Variants in ADAM19 observed in about 807,000 individuals in gnomAD.
ADAM19 encodes ADAM metallopeptidase domain 19.
Under a neutral mutation model 114.7 loss-of-function variants are expected in ADAM19, and 65 were observed. That is an observed-to-expected ratio of 0.57 (90% confidence interval 0.46 to 0.70). The LOEUF (loss-of-function observed/expected upper bound fraction) is 0.70. ADAM19 is among the 30% of genes least tolerant of loss of function. The pLI is 0.00. For missense variants in ADAM19, 1,063 were observed against 1,204.7 expected, an observed-to-expected ratio of 0.88 and a Z score of 1.74; for synonymous variants, 466 against 460.5, an observed-to-expected ratio of 1.01 and a Z score of -0.15.
chr5:157,542,738 G>C (rs1756949932), intron 3 of ADAM19, among the ~76,000 whole-genome samples: 1 of 152,224 alleles, frequency 6.6e-6, no homozygotes, highest in Non-Finnish European at 1.5e-5. Flanking sequence ...TCGGGAGGCG[G>C]AAGCTGCAGT....
Position 157,481,870 on chromosome 5 carries a change from C to T in ADAM19, c.2624G>A (p.Arg875Lys). 6.3e-7 allele frequency: 1 copy of T among 1,597,234 alleles called. No individual in the cohort carries two copies. Among genetic ancestry groups the T allele is most frequent in the Non-Finnish European group, 8.5e-7 (1 of 1,171,676 alleles). The stretch of plus-strand genomic sequence containing the variant: ...CCGCAGTGGGGATGCACCTCCTGGC[C>T]TGGGGAGGCTCCTGCGGCCTGGCAC... Reference protein sequence around the residue: ...NPVPGRRSLPRPGGASPLRPP... With the variant: ...NPVPGRRSLPKPGGASPLRPP... The change falls in exon 22 of 23, where the codon AGG (arginine) becomes AAG (lysine). Residue 875 changes from arginine to lysine, a missense_variant. Transcript: ENST00000257527.
rs372907802 is a variant in ADAM19 at position 157,480,901 on chromosome 5, T to C, written c.*48A>G. The C allele has an allele frequency of 5.0e-6, 8 of 1,613,534 alleles. No individual in the cohort carries two copies. The highest frequency in any genetic ancestry group is 6.8e-6 in the Non-Finnish European group (8 of 1,179,838). On this transcript the variant is annotated 3_prime_UTR_variant, in exon 23 of 23. Coordinates refer to ENST00000257527, the MANE Select transcript of ADAM19 (RefSeq NM_033274.5). ...CAGGGTTCCATGGCCATGGGTCCTC[T>C]GCAGTGTCCAGAGAGCTCAAGGAAA... is the stretch of plus-strand genomic sequence containing the variant.
intron 4 of ADAM19, among the ~76,000 whole-genome samples, chr5:157,532,318 T>C (rs1442518798): frequency 1.3e-5 from 2 of 152,068 alleles, no homozygotes; most frequent in Admixed American, 1.3e-4. Flanking sequence ...TAATGAGAAA[T>C]CCAAACAGAT....
At chr5:157,561,645 C>A (rs1230783074) in intron 3 of ADAM19, among the ~76,000 whole-genome samples, 2 of 152,128 alleles carry the variant, frequency 1.3e-5, no homozygotes, top group African/African-American at 4.8e-5. Context: ...CACTCCATCA[C>A]CTCCTTCAGG....
chr5:157,496,772 T>C, intron 14 of ADAM19, 122 bp downstream of exon 14: 5 of 801,544 alleles, frequency 6.2e-6, no homozygotes, highest in Non-Finnish European at 7.5e-6. Context: ...GTCAAGGGGA[T>C]GAAAGAGGTA....
At chr5:157,527,779 T>C (rs949168412) in intron 5 of ADAM19, among the ~76,000 whole-genome samples, 4 of 152,188 alleles carry the variant, frequency 2.6e-5, no homozygotes, top group Non-Finnish European at 5.9e-5. Flanking sequence ...GGGGAAAATC[T>C]GGAAATCTGG....
In ADAM19 at chr5:157,497,024, C is replaced by A; in HGVS notation, c.1464G>T (p.Thr488=). ...ARQCDLPEFC[T]GKSPHCPTNF... ...TGGTAGGGCAGTGGGGAGACTTGCC[C>A]GTACAGAACTCCGGGAGGTCACACT... The change falls in exon 14 of 23, where the codon ACG becomes ACT. Residue 488 remains threonine (T), a synonymous_variant. Coordinates refer to ENST00000257527, the MANE Select transcript of ADAM19 (RefSeq NM_033274.5). The A allele has an allele frequency of 6.3e-7, 1 of 1,585,780 alleles. No homozygotes were observed.
Position 157,489,137 on chromosome 5 carries a change from T to A in ADAM19, c.2290A>T (p.Thr764Ser), listed in dbSNP as rs767890396. The change falls in exon 20 of 23, where the codon ACT becomes TCT. Residue 764 changes from threonine (T) to serine (S), a missense_variant. By Grantham distance (58) the Thr-to-Ser change is moderately conservative. Around this residue, in one of 3 missense-constraint regions of ADAM19, gnomAD observed 424 missense variants for 445.5 expected, o/e 0.95. Coordinates refer to ENST00000257527, the MANE Select transcript of ADAM19 (RefSeq NM_033274.5). ...QNSGTGHANP[T>S]FKLQTPQGKR... is the part of the protein sequence containing the mutation. The stretch of plus-strand genomic sequence containing the variant: ...CCCTGGGGCGTCTGCAGCTTGAAAG[T>A]TGGGTTGGCATGACCAGTCCCGCTG... 1 of 1,614,132 alleles carries A rather than the reference T, an allele frequency of 6.2e-7. No individual in the cohort carries two copies. The highest frequency in any genetic ancestry group is 1.7e-5 in the Admixed American group (1 of 60,018).
At position 157,553,401 on chromosome 5, in the gene ADAM19, A is replaced by G. The variant is rs114980327; in HGVS notation, c.251+10972T>C. ...CATGGGCTAAAAAGTAAGTAAAAAT[A>G]GAACTTCTAATTAATTTTTTTAAAT... is the stretch of plus-strand genomic sequence containing the variant. On this transcript the variant is annotated intron_variant, in intron 3 of 22. Transcript: ENST00000257527. Among the ~76,000 whole-genome samples, 1,421 of 152,350 alleles carry G rather than the reference A, an allele frequency of 9.3e-3. 25 individuals are homozygous for G. The highest frequency in any genetic ancestry group is 0.033 in the African/African-American group (1,362 of 41,584).
intron 11 of ADAM19, among the ~76,000 whole-genome samples, chr5:157,505,444 T>G (rs919974635): frequency 1.3e-5 from 2 of 152,206 alleles, no homozygotes; most frequent in African/African-American, 4.8e-5. Flanking sequence ...AGAAATTAAA[T>G]AAATCTAGGG....
At chr5:157,563,617 C>T (rs1320758419) in intron 3 of ADAM19, among the ~76,000 whole-genome samples, 1 of 152,134 alleles carries the variant, frequency 6.6e-6, no homozygotes, top group African/African-American at 2.4e-5. Flanking sequence ...AAAAGTGGGA[C>T]GGTCAGTGGG....
At chr5:157,488,133 AT>A in intron 21 of ADAM19, 131 bp downstream of exon 21, 1 of 884,360 alleles carries the variant, frequency 1.1e-6, no homozygotes. Flanking sequence ...GCGCCCCCGT[AT>A]TGACTGAATT....
Position 157,518,893 on chromosome 5 carries a change from GA to G in ADAM19, c.601-6del. On this transcript the variant is annotated splice_region_variant and splice_polypyrimidine_tract_variant and intron_variant, in intron 6 of 22. Transcript: ENST00000257527. ...GTTTAAATCTTCCCTTTTCATCTAA[GA>G]AAGAGAAACAGATCAGCGCTGTAGA... 1 of 1,613,230 alleles carries G rather than the reference GA, an allele frequency of 6.2e-7. No homozygotes were observed.
chr5:157,558,131 A>T (rs11134816), intron 3 of ADAM19, among the ~76,000 whole-genome samples: 54,219 of 152,130 alleles, frequency 0.36, 11,625 homozygotes, highest in African/African-American at 0.59. Flanking sequence ...GTGCCTAGCA[A>T]AGCACTTGGA....
chr5:157,566,271 T>G (rs1757660178), intron 2 of ADAM19: 1 of 152,152 alleles, frequency 6.6e-6, no homozygotes, highest in East Asian at 1.9e-4. Context: ...ACTGACAAAA[T>G]GTACACAATA....
At position 157,519,843 on chromosome 5, in the gene ADAM19, C is replaced by A. The variant is rs189781149; in HGVS notation, c.596G>T (p.Arg199Leu). 3 of 1,609,206 alleles carry A rather than the reference C, an allele frequency of 1.9e-6. No individual in the cohort carries two copies. The highest frequency in any genetic ancestry group is 1.1e-5 in the South Asian group (1 of 90,746). ...ACTGAGAGCCTCAAAACTCACCCTG[C>A]GAGGTCGCTTCTTGGTCTGTTGTGT... Reference protein sequence around the residue: ...QFTQQTKKRPRRMKREDLNSM... With the variant: ...QFTQQTKKRPLRMKREDLNSM... Residue 199 changes from arginine to leucine, a missense_variant, in exon 6 of 23, where the codon CGC (arginine) becomes CTC (leucine). Physicochemically the swap from Arg to Leu is moderately radical, Grantham distance 102. This residue lies in a region of ADAM19 where 615 missense variants were observed against 706.3 expected (regional missense o/e 0.87). Transcript: ENST00000257527.
At chr5:157,519,221 C>T (rs1205885127) in intron 6 of ADAM19, among the ~76,000 whole-genome samples, 2 of 152,180 alleles carry the variant, frequency 1.3e-5, no homozygotes, top group African/African-American at 4.8e-5. Context: ...CTCGAAACCT[C>T]GAAACACCAT....
At chr5:157,508,478 G>A (rs545344224) in intron 9 of ADAM19, among the ~76,000 whole-genome samples, 1 of 152,060 alleles carries the variant, frequency 6.6e-6, no homozygotes, top group Non-Finnish European at 1.5e-5. Context: ...GCATGGTGGT[G>A]CATGCCTGCT....
intron 3 of ADAM19, among the ~76,000 whole-genome samples, chr5:157,544,334 C>T (rs1002260057): frequency 2.0e-5 from 3 of 152,222 alleles, no homozygotes; most frequent in Non-Finnish European, 4.4e-5. Context: ...AGGAAGTTTC[C>T]AAACAATGCG....
Sources: allele counts gnomAD v4.1 joint callset (sites outside exome capture counted in the v4.1 genomes callset), GRCh38; gene constraint gnomAD v4.1.1; regional missense constraint gnomAD v4.1.1; transcripts MANE v1.5; gene names NCBI Gene and HGNC (gene_info 2026-07-23, HGNC 2026-07-21).